SCARA3: variants seen among roughly 807,000 people sequenced by gnomAD.
SCARA3 encodes cellular stress response gene protein.
A neutral mutation model predicts 47.0 loss-of-function variants in SCARA3; 39 were observed. That is an observed-to-expected ratio of 0.83 (90% CI 0.64 to 1.08). The LOEUF (loss-of-function observed/expected upper bound fraction) is 1.08. Among genes scored for constraint, SCARA3 ranks in the 50% least tolerant of loss-of-function variants. SCARA3 has a pLI of 0.00. For missense variants in SCARA3, 724 were observed against 792.3 expected, an observed-to-expected ratio of 0.91 and a Z score of 1.04; for synonymous variants, 356 against 334.1, an observed-to-expected ratio of 1.07 and a Z score of -0.71.
chr8:27,665,304 C>T (rs895109716), intron 5 of SCARA3, among the ~76,000 whole-genome samples: 1 of 152,206 alleles, frequency 6.6e-6, no homozygotes, highest in Non-Finnish European at 1.5e-5. Flanking sequence ...TATTCCAGCT[C>T]TAATTAATTC....
At chr8:27,659,786 G>A (rs1339456572) in intron 5 of SCARA3, among the ~76,000 whole-genome samples, 5 of 144,556 alleles carry the variant, frequency 3.5e-5, no homozygotes, top group African/African-American at 1.3e-4. Flanking sequence ...GGAGTTCGAG[G>A]CTACAGTGAG....
At chr8:27,704,752 TCACA>T in the SCARA3 span, among the ~76,000 whole-genome samples, 8 of 149,660 alleles carry the variant, frequency 5.3e-5, no homozygotes, top group African/African-American at 2.0e-4. Flanking sequence ...TAGGATTCCA[TCACA>T]CACACACACA....
intron 1 of SCARA3, among the ~76,000 whole-genome samples, chr8:27,641,368 T>C (rs1240212791): frequency 6.6e-6 from 1 of 152,202 alleles, no homozygotes; most frequent in Non-Finnish European, 1.5e-5. Context: ...CTCATGGTCT[T>C]GATCCTTTCA....
rs1177353588 is a variant in SCARA3 at position 27,659,235 on chromosome 8, T to A, written c.1065T>A (p.Ile355=). 2 of 1,614,012 alleles carry A rather than the reference T, an allele frequency of 1.2e-6. No homozygotes were observed. Among genetic ancestry groups the A allele is most frequent in the Non-Finnish European group, 1.7e-6 (2 of 1,180,028 alleles). The change falls in exon 5 of 6, where the codon ATT becomes ATA. Residue 355 remains isoleucine, a synonymous_variant. Transcript: ENST00000301904. ...AAGGACGCATGGCTTCTCACGAGAT[T>A]GAAATTGGCACCATCTTCACCAACA... ...SLEGRMASHE[I]EIGTIFTNIN...
At chr8:27,675,506 G>A (rs1802261042), downstream of SCARA3, among the ~76,000 whole-genome samples, 1 of 152,220 alleles carries the variant, frequency 6.6e-6, no homozygotes, top group Non-Finnish European at 1.5e-5. Flanking sequence ...TGTGCTTGGT[G>A]TGGCAGGCGG....
At chr8:27,675,024 G>C (rs1802245637), downstream of SCARA3, among the ~76,000 whole-genome samples, 1 of 152,070 alleles carries the variant, frequency 6.6e-6, no homozygotes, top group Non-Finnish European at 1.5e-5. Context: ...ACCGTGCCAG[G>C]CTGCCTGGGC....
chr8:27,703,843 A>ATTT, the SCARA3 span: 1 of 28,536 alleles, frequency 3.5e-5, no homozygotes, highest in African/African-American at 1.1e-4. Context: ...TGTGCTTTCT[A>ATTT]CTTTTTTTTT....
chr8:27,731,185 A>C, the SCARA3 span, among the ~76,000 whole-genome samples: 3 of 150,134 alleles, frequency 2.0e-5, no homozygotes, highest in African/African-American at 7.4e-5. Flanking sequence ...CTGCAGAATC[A>C]AACTCCTGGG....
At chr8:27,665,287 T>C (rs1055731821) in intron 5 of SCARA3, among the ~76,000 whole-genome samples, 1 of 152,236 alleles carries the variant, frequency 6.6e-6, no homozygotes, top group African/African-American at 2.4e-5. Context: ...AGCTGATCTC[T>C]GAGAACTATT....
At chr8:27,638,971 C>T (rs770471177) in intron 1 of SCARA3, among the ~76,000 whole-genome samples, 1 of 152,118 alleles carries the variant, frequency 6.6e-6, no homozygotes, top group Non-Finnish European at 1.5e-5. Context: ...CTCCCAGCCT[C>T]GAAGATGTGA....
the SCARA3 span, among the ~76,000 whole-genome samples, chr8:27,713,580 A>C: frequency 1.3e-5 from 2 of 152,010 alleles, no homozygotes; most frequent in South Asian, 4.1e-4. Context: ...TGGGATCCTT[A>C]TTTGCTTTGA....
the SCARA3 span, among the ~76,000 whole-genome samples, chr8:27,716,286 C>A: frequency 2.0e-5 from 3 of 152,042 alleles, no homozygotes; most frequent in Non-Finnish European, 4.4e-5. Flanking sequence ...GTACTCCAGG[C>A]TGGGTGACAG....
chr8:27,664,397 C>T (rs1386182008), intron 5 of SCARA3, among the ~76,000 whole-genome samples: 18 of 152,140 alleles, frequency 1.2e-4, no homozygotes, highest in Admixed American at 1.2e-3. Flanking sequence ...ATGTTGGTGA[C>T]TCTATTTATA....
rs530205808 is a variant in SCARA3, at chr8:27,658,793, A to G, written c.623A>G (p.Asp208Gly). 6 of 1,614,022 alleles carry G rather than the reference A, an allele frequency of 3.7e-6. No homozygotes were observed. In the African/African-American group the frequency reaches 6.7e-5, roughly 18 times the overall value. Residue 208 changes from aspartate (D) to glycine (G), a missense_variant, in exon 5 of 6, where the codon GAC becomes GGC. Asp to Gly is a moderately conservative substitution (Grantham distance 94, BLOSUM62 -1). Coordinates refer to ENST00000301904, the MANE Select transcript of SCARA3 (RefSeq NM_016240.3). ...GCTGGCCTGGACCTCTCTCTGAAGGACCTCACCCAGGAGTGCTACGATGTC... is the reference window on the plus strand; with the variant it reads ...GCTGGCCTGGACCTCTCTCTGAAGGGCCTCACCCAGGAGTGCTACGATGTC... ...TTAGLDLSLK[D>G]LTQECYDVKA...
chr8:27,670,946 C>T lies in SCARA3; in HGVS notation c.1416C>T (p.Gly472=), dbSNP rs755043626. Residue 472 remains glycine (G), a synonymous_variant, in exon 6 of 6, where the codon GGC becomes GGT. Coordinates refer to ENST00000301904, the MANE Select transcript of SCARA3 (RefSeq NM_016240.3). The part of the protein sequence containing the change: ...PGPRGFKGDM[G]VKGPVGGRGP... ...CAAGAGGATTCAAAGGAGATATGGG[C>T]GTGAAAGGGCCTGTTGGCGGCAGAG... 7 of 1,587,362 alleles carry T rather than the reference C, an allele frequency of 4.4e-6. No individual in the cohort carries two copies. The highest frequency in any genetic ancestry group is 4.1e-5 in the African/African-American group (3 of 73,060).
downstream of SCARA3, among the ~76,000 whole-genome samples, chr8:27,675,316 A>G (rs1027783337): frequency 2.0e-5 from 3 of 152,232 alleles, no homozygotes; most frequent in African/African-American, 4.8e-5. Context: ...TGGTCTGACC[A>G]CAGTGAACTT....
At chr8:27,685,444 C>T in the SCARA3 span, among the ~76,000 whole-genome samples, 1 of 152,162 alleles carries the variant, frequency 6.6e-6, no homozygotes, top group Admixed American at 6.5e-5. Context: ...AACTCATCCT[C>T]TAACTTAATT....
chr8:27,692,277 G>A, the SCARA3 span, among the ~76,000 whole-genome samples: 6,881 of 152,112 alleles, frequency 0.045, 143 homozygotes, highest in South Asian at 0.061. Context: ...AAAATTAGCC[G>A]GGTGTGGTGG....
downstream of SCARA3, among the ~76,000 whole-genome samples, chr8:27,673,496 A>G (rs1246338854): frequency 6.6e-6 from 1 of 152,204 alleles, no homozygotes; most frequent in Admixed American, 6.5e-5. Flanking sequence ...TCACTGGCAA[A>G]ATGTGACCTA....
Sources: allele counts gnomAD v4.1 joint callset (sites outside exome capture counted in the v4.1 genomes callset), GRCh38; gene constraint gnomAD v4.1.1; transcripts MANE v1.5; gene names NCBI Gene and HGNC (gene_info 2026-07-23, HGNC 2026-07-21).